Variants in EPDR1 observed in about 807,000 individuals in gnomAD.
EPDR1 encodes mammalian ependymin-related protein 1.
Under a neutral mutation model 23.7 loss-of-function variants are expected in EPDR1, and 27 were observed. That is an observed-to-expected ratio of 1.14 (90% confidence interval 0.84 to 1.57). The LOEUF is 1.57. Ranked by LOEUF, EPDR1 falls within the 40% of genes most tolerant of loss-of-function variation. The probability of loss-of-function intolerance (pLI) is 0.00; values close to 1 mark genes in which losing one functional copy is unlikely to be tolerated. For synonymous variants in EPDR1, 137 were observed against 118.2 expected (o/e 1.16, Z -1.03); for missense variants, 349 against 290.4 (o/e 1.20, Z -1.47).
intron 1 of EPDR1, among the ~76,000 whole-genome samples, chr7:37,942,996 T>A (rs1786200529): frequency 6.6e-6 from 1 of 152,238 alleles, no homozygotes; most frequent in African/African-American, 2.4e-5. Flanking sequence ...CTGTGTGTTG[T>A]GGTTGCCGTG....
chr7:37,922,921 G>C (rs527293818), intron 1 of EPDR1, among the ~76,000 whole-genome samples: 1 of 152,186 alleles, frequency 6.6e-6, no homozygotes, highest in East Asian at 1.9e-4. Context: ...ATGAGAGTGA[G>C]TTCCAAAACA....
chr7:37,921,020 G>C lies in EPDR1; in HGVS notation c.81G>C (p.Leu27=). ...TGGGCGGCCTCTGGGCCTGGACCCT[G>C]TGCGGCCTGTGCAGCCTGGGGGCGG... ...WLLGGLWAWT[L]CGLCSLGAVG... is the part of the protein sequence containing the mutation. The change falls in exon 1 of 3, where the codon CTG becomes CTC. Residue 27 remains leucine, a synonymous_variant. Transcript: ENST00000199448. 1 of 1,522,690 alleles carries C rather than the reference G, an allele frequency of 6.6e-7. No individual in the cohort carries two copies. The highest frequency in any genetic ancestry group is 8.8e-7 in the Non-Finnish European group (1 of 1,139,890). 94.3% of individuals were successfully genotyped at this position (1,522,690 alleles called of 1,614,324 possible). A position where few individuals can be genotyped will look rare whatever the true frequency, so the allele number is the denominator to read the frequency against.
intron 1 of EPDR1, among the ~76,000 whole-genome samples, chr7:37,932,447 T>C (rs1228372116): frequency 1.3e-5 from 2 of 152,220 alleles, no homozygotes; most frequent in East Asian, 1.9e-4. Context: ...TTGATAATGA[T>C]ATTTTTCATC....
chr7:37,924,352 T>C (rs1462242033), intron 1 of EPDR1, among the ~76,000 whole-genome samples: 1 of 152,232 alleles, frequency 6.6e-6, no homozygotes, highest in Non-Finnish European at 1.5e-5. Context: ...GGCAAAGTGA[T>C]GCATTGATTT....
At chr7:37,939,912 G>GCTTTTACCT (rs1344770887) in intron 1 of EPDR1, among the ~76,000 whole-genome samples, 1 of 152,166 alleles carries the variant, frequency 6.6e-6, no homozygotes, top group Non-Finnish European at 1.5e-5. Flanking sequence ...AACCACAAAT[G>GCTTTTACCT]CTTTTACCTT....
intron 1 of EPDR1, among the ~76,000 whole-genome samples, chr7:37,927,943 TGAG>T (rs1396741656): frequency 1.3e-5 from 2 of 152,188 alleles, no homozygotes; most frequent in African/African-American, 4.8e-5. Context: ...TCGCAATATT[TGAG>T]TTTTTCTTCA....
chr7:37,923,253 G>T (rs1277585997), intron 1 of EPDR1, among the ~76,000 whole-genome samples: 1 of 152,210 alleles, frequency 6.6e-6, no homozygotes, highest in Non-Finnish European at 1.5e-5. Context: ...GATTGTCGTA[G>T]TGGTCCAGGT....
chr7:37,947,443 G>A (rs137883704), intron 1 of EPDR1, among the ~76,000 whole-genome samples: 251 of 152,278 alleles, frequency 1.6e-3, no homozygotes, highest in Middle Eastern at 6.8e-3. Context: ...ATGAAGTGAC[G>A]CACGACTGTG....
intron 1 of EPDR1, among the ~76,000 whole-genome samples, chr7:37,931,284 C>T (rs563457089): frequency 1.3e-5 from 2 of 152,152 alleles, no homozygotes; most frequent in South Asian, 2.1e-4. Flanking sequence ...GAGGCCGAGG[C>T]GGGTGGATCA....
intron 1 of EPDR1, chr7:37,921,444 G>A: frequency 7.2e-7 from 1 of 1,383,486 alleles, no homozygotes; most frequent in Non-Finnish European, 9.3e-7. Flanking sequence ...CCAGCGAGGC[G>A]GTGGCAGGTA....
chr7:37,948,132 A>G (rs1786318081), intron 1 of EPDR1, among the ~76,000 whole-genome samples: 1 of 151,806 alleles, frequency 6.6e-6, no homozygotes, highest in African/African-American at 2.4e-5. Flanking sequence ...TGTTCAGTAT[A>G]CCCCCATAAT....
At position 37,936,039 on chromosome 7, in the gene EPDR1, T is replaced by TATATATATATACAC. The variant is rs57925993; in HGVS notation, c.270-12800_270-12799insTATATATATACACA. Among the ~76,000 whole-genome samples, 24 of 80,948 alleles carry TATATATATATACAC rather than the reference T, an allele frequency of 3.0e-4. 4 individuals are homozygous for TATATATATATACAC. Among genetic ancestry groups the TATATATATATACAC allele is most frequent in the Admixed American group, 8.9e-4 (6 of 6,720 alleles). The allele number at this position is 80,948 out of a possible 152,430, so 53.1% of individuals were successfully genotyped here. A position where few individuals can be genotyped will look rare whatever the true frequency, so the allele number is the denominator to read the frequency against. ...ATATATATATATATATATATATATA[T>TATATATATATACAC]ACACAAGGGAAATGTGAATCTGTTA... On this transcript the variant is annotated intron_variant, in intron 1 of 2. Coordinates refer to ENST00000199448, the MANE Select transcript of EPDR1 (RefSeq NM_017549.5).
At chr7:37,933,682 C>T (rs570890901) in intron 1 of EPDR1, among the ~76,000 whole-genome samples, 9 of 152,200 alleles carry the variant, frequency 5.9e-5, no homozygotes, top group Non-Finnish European at 7.4e-5. Flanking sequence ...GGCCAAGCTC[C>T]GGTATTTGGG....
intron 1 of EPDR1, among the ~76,000 whole-genome samples, chr7:37,946,505 T>C (rs1786278444): frequency 6.6e-6 from 1 of 152,236 alleles, no homozygotes; most frequent in Admixed American, 6.5e-5. Flanking sequence ...TTTTTTCCTA[T>C]GTTTGTTGGC....
intron 1 of EPDR1, among the ~76,000 whole-genome samples, chr7:37,932,299 A>T (rs1027406693): frequency 2.0e-5 from 3 of 151,832 alleles, no homozygotes; most frequent in African/African-American, 7.3e-5. Flanking sequence ...AAATTTTTAA[A>T]ATTTATTTAC....
chr7:37,940,423 A>G (rs899615834), intron 1 of EPDR1, among the ~76,000 whole-genome samples: 5 of 152,178 alleles, frequency 3.3e-5, no homozygotes, highest in African/African-American at 1.2e-4. Context: ...AAAAGTGTAA[A>G]GTCCCTGAAT....
intron 1 of EPDR1, among the ~76,000 whole-genome samples, chr7:37,946,228 A>C (rs1231874215): frequency 6.6e-6 from 1 of 152,198 alleles, no homozygotes; most frequent in Non-Finnish European, 1.5e-5. Flanking sequence ...AATGATTTAT[A>C]TTCCTTGGGG....
intron 1 of EPDR1, among the ~76,000 whole-genome samples, chr7:37,943,599 C>T (rs958526935): frequency 2.8e-4 from 42 of 152,098 alleles, no homozygotes; most frequent in East Asian, 3.8e-4. Context: ...ATTTTGAAAA[C>T]AAATTATATA....
intron 1 of EPDR1, among the ~76,000 whole-genome samples, chr7:37,943,998 G>A (rs1786221853): frequency 6.6e-6 from 1 of 152,206 alleles, no homozygotes; most frequent in South Asian, 2.1e-4. Flanking sequence ...CAGCACAGCT[G>A]TGCTGGCAGC....
Sources: gnomAD v4.1 joint callset for allele counts (sites outside exome capture counted in the v4.1 genomes callset) on GRCh38, gnomAD v4.1.1 for gene constraint, MANE v1.5 for transcripts, NCBI Gene and HGNC (gene_info 2026-07-23, HGNC 2026-07-21) for gene names.